EHBP1: variants seen among roughly 807,000 people sequenced by gnomAD.
EHBP1 encodes EH domain-binding protein 1.
EHBP1 carries 55 observed loss-of-function variants against 144.0 expected under a neutral mutation model. The observed-to-expected ratio is 0.38, with a 90% confidence interval of 0.31 to 0.48. EHBP1 has a LOEUF of 0.48. EHBP1 is among the 20% of genes least tolerant of loss of function. The probability of loss-of-function intolerance (pLI) is 0.98; values close to 1 mark genes in which losing one functional copy is unlikely to be tolerated. For missense variants in EHBP1, 1,200 were observed against 1,364.2 expected, an observed-to-expected ratio of 0.88 and a Z score of 1.90; for synonymous variants, 469 against 472.7, an observed-to-expected ratio of 0.99 and a Z score of 0.10.
At chr2:62,788,754 ATATT>A (rs1353836934) in intron 5 of EHBP1, among the ~76,000 whole-genome samples, 1 of 152,178 alleles carries the variant, frequency 6.6e-6, no homozygotes, top group Non-Finnish European at 1.5e-5. Flanking sequence ...ACAGAAACCT[ATATT>A]TAATTTACAC....
At chr2:62,907,530 T>C (rs1461071732) in intron 10 of EHBP1, among the ~76,000 whole-genome samples, 1 of 152,154 alleles carries the variant, frequency 6.6e-6, no homozygotes, top group Non-Finnish European at 1.5e-5. Flanking sequence ...GTCTGCTTCA[T>C]GGTTTAGAGA....
chr2:62,766,389 T>C (rs1215640675), intron 4 of EHBP1, among the ~76,000 whole-genome samples: 1 of 152,054 alleles, frequency 6.6e-6, no homozygotes, highest in Non-Finnish European at 1.5e-5. Flanking sequence ...TAGACCAAAG[T>C]GGAATCAATC....
At chr2:62,936,041 A>G (rs2056364316) in intron 10 of EHBP1, among the ~76,000 whole-genome samples, 1 of 152,200 alleles carries the variant, frequency 6.6e-6, no homozygotes, top group South Asian at 2.1e-4. Context: ...TATTTTCATT[A>G]AAACTTTTGC....
intron 1 of EHBP1, among the ~76,000 whole-genome samples, chr2:62,681,375 ATAAATATATAATGTGTATATATG>A: frequency 8.7e-6 from 1 of 114,910 alleles, no homozygotes; most frequent in Non-Finnish European, 1.8e-5. Context: ...GTATATATGT[ATAAATATATAATGTGTATATATG>A]TATATATATA....
At chr2:62,946,179 T>C (rs2057053703) in intron 12 of EHBP1, among the ~76,000 whole-genome samples, 1 of 152,212 alleles carries the variant, frequency 6.6e-6, no homozygotes, top group South Asian at 2.1e-4. Context: ...TATTGTTGAT[T>C]TTACCTCATT....
intron 10 of EHBP1, among the ~76,000 whole-genome samples, chr2:62,884,089 T>G (rs1376691286): frequency 6.6e-6 from 1 of 152,222 alleles, no homozygotes; most frequent in African/African-American, 2.4e-5. Flanking sequence ...AAAATGTTAT[T>G]CACATGTATA....
intron 3 of EHBP1, among the ~76,000 whole-genome samples, chr2:62,756,541 A>G (rs1017120264): frequency 1.4e-4 from 21 of 152,108 alleles, no homozygotes; most frequent in African/African-American, 5.1e-4. Context: ...GTCCGAGGCA[A>G]GTGGATCACC....
rs928739347 is a variant in EHBP1 at position 62,892,378 on chromosome 2, GA to G, written c.1185+17850del. 8.9e-4 allele frequency among the ~76,000 whole-genome samples: 136 copies of G among 152,210 alleles called. 1 individual carries two copies. The highest frequency in any genetic ancestry group is 3.1e-3 in the African/African-American group (127 of 41,562). On this transcript the variant is annotated intron_variant, in intron 10 of 22. Coordinates refer to ENST00000431489, the MANE Select transcript of EHBP1 (RefSeq NM_001142616.3). ...TAAATCTTCACAAGGAAGCAAAACA[GA>G]AAAGGTTCATTTAATTGATTAGCAT...
chr2:62,685,972 A>G (rs1270022494), intron 1 of EHBP1, among the ~76,000 whole-genome samples: 1 of 152,222 alleles, frequency 6.6e-6, no homozygotes, highest in East Asian at 1.9e-4. Context: ...TAACTTTCCA[A>G]TGGGAGAGAA....
At chr2:62,856,402 G>C (rs1005674814) in intron 7 of EHBP1, among the ~76,000 whole-genome samples, 4 of 152,160 alleles carry the variant, frequency 2.6e-5, no homozygotes, top group African/African-American at 9.7e-5. Flanking sequence ...AGTGCACCTG[G>C]TCTACCTGCA....
At chr2:63,020,094 G>A (rs1396844462) in intron 19 of EHBP1, among the ~76,000 whole-genome samples, 1 of 152,014 alleles carries the variant, frequency 6.6e-6, no homozygotes, top group East Asian at 1.9e-4. Flanking sequence ...GGGAGGCCAA[G>A]GCAAGCAGAT....
chr2:62,870,461 T>A (rs1324128783), intron 9 of EHBP1, among the ~76,000 whole-genome samples: 2 of 152,174 alleles, frequency 1.3e-5, no homozygotes, highest in East Asian at 1.9e-4. Context: ...ACACCTGTAA[T>A]CCCAACACTT....
At chr2:62,875,950 AACTAACAAATCCCCT>A (rs1236816905) in intron 10 of EHBP1, among the ~76,000 whole-genome samples, 6 of 152,210 alleles carry the variant, frequency 3.9e-5, no homozygotes, top group Admixed American at 6.5e-5. Context: ...AAAAAGAATG[AACTAACAAATCCCCT>A]AAGACATATG....
In EHBP1 at chr2:62,717,728, A is replaced by G. The variant is rs529008550; in HGVS notation, c.104+10433A>G. Among the ~76,000 whole-genome samples the G allele has an allele frequency of 5.9e-4, 90 of 152,284 alleles. 1 individual carries two copies. Among genetic ancestry groups the G allele is most frequent in the African/African-American group, 2.0e-3 (85 of 41,556 alleles). On this transcript the variant is annotated intron_variant, in intron 2 of 22. Transcript: ENST00000431489. Reference sequence around the variant, plus strand: ...AAAGTTTTTTTTTTAAAAAAAACCTATAAAATTTAACTTTAATTATAACAA... The same window carrying G: ...AAAGTTTTTTTTTTAAAAAAAACCTGTAAAATTTAACTTTAATTATAACAA...
chr2:62,681,340 G>GTGTGTATATATATATATA (rs1171760462), intron 1 of EHBP1, among the ~76,000 whole-genome samples: 3 of 58,554 alleles, frequency 5.1e-5, no homozygotes, highest in South Asian at 5.9e-4. Flanking sequence ...ATGTGTGTGT[G>GTGTGTATATATATATATA]TATATATATA....
intron 1 of EHBP1, among the ~76,000 whole-genome samples, chr2:62,687,487 G>A (rs576821197): frequency 7.9e-5 from 12 of 152,308 alleles, no homozygotes; most frequent in African/African-American, 2.2e-4. Context: ...TAGGTGGGTC[G>A]TAATAGATGG....
At chr2:62,800,215 G>A (rs540232511) in intron 5 of EHBP1, among the ~76,000 whole-genome samples, 18 of 151,972 alleles carry the variant, frequency 1.2e-4, no homozygotes, top group African/African-American at 3.6e-4. Context: ...ACCCTAAATG[G>A]TCCTCATGTA....
At chr2:62,952,303 C>T (rs954500627) in intron 13 of EHBP1, among the ~76,000 whole-genome samples, 2 of 152,116 alleles carry the variant, frequency 1.3e-5, no homozygotes, top group Admixed American at 1.3e-4. Context: ...GAATTTTGGA[C>T]AATTAAAAAT....
intron 13 of EHBP1, among the ~76,000 whole-genome samples, chr2:62,953,332 A>G (rs1266577381): frequency 6.6e-6 from 1 of 151,972 alleles, no homozygotes; most frequent in Non-Finnish European, 1.5e-5. Flanking sequence ...TCAGCAAAAT[A>G]AGACAAGTTA....
Sources: allele counts gnomAD v4.1 joint callset (sites outside exome capture counted in the v4.1 genomes callset), GRCh38; gene constraint gnomAD v4.1.1; transcripts MANE v1.5; gene names NCBI Gene and HGNC (gene_info 2026-07-23, HGNC 2026-07-21).